Variants in CHIT1 observed in about 807,000 individuals in gnomAD.
CHIT1 encodes chitinase 1, also known as chitotriosidase-1.
CHIT1 carries 47 observed loss-of-function variants against 52.0 expected under a neutral mutation model. That is an observed-to-expected ratio of 0.90 (90% confidence interval 0.71 to 1.15). CHIT1 has a LOEUF of 1.15. Among genes scored for constraint, CHIT1 ranks in the 50% most tolerant of loss-of-function variants. The probability of loss-of-function intolerance (pLI) is 0.00; values close to 1 mark genes in which losing one functional copy is unlikely to be tolerated. For synonymous variants in CHIT1, 242 were observed against 228.2 expected (o/e 1.06, Z -0.54); for missense variants, 569 against 583.0 (o/e 0.98, Z 0.25).
chr1:203,228,422 A>G, intron 2 of CHIT1, 111 bp downstream of exon 2: 14 of 1,154,394 alleles, frequency 1.2e-5, no homozygotes, highest in Non-Finnish European at 1.8e-5. Context: ...TTTGGAAGAG[A>G]GTCCCCACTG....
At chr1:203,225,576 G>A (rs1299028155) in intron 3 of CHIT1, 93 bp downstream of exon 3, 1 of 1,292,622 alleles carries the variant, frequency 7.7e-7, no homozygotes. Context: ...GTCTGTGGCA[G>A]GACCTTAGTG....
chr1:203,230,075 G>GT (rs1298487017), upstream of CHIT1: 1 of 229,036 alleles, frequency 4.4e-6, no homozygotes, highest in African/African-American at 2.3e-5. Flanking sequence ...CTCTCAAACT[G>GT]TTTCTCCATC....
rs888078038 is a variant in CHIT1 at position 203,217,814 on chromosome 1, C to A, written c.1081G>T (p.Asp361Tyr). 1.9e-6 allele frequency: 3 copies of A among 1,613,996 alleles called. No homozygotes were observed. Among genetic ancestry groups the A allele is most frequent in the East Asian group, 2.2e-5 (1 of 44,896 alleles). The change falls in exon 10 of 11, where the codon GAC (aspartate) becomes TAC (tyrosine). Residue 361 changes from aspartate (D) to tyrosine (Y), a missense_variant. By Grantham distance (160) the Asp-to-Tyr change is radical. Transcript: ENST00000367229. ...GLGGAMVWAL[D>Y]LDDFAGFSCN... ...GAGAAGCCGGCAAAGTCATCTAAGT[C>A]CAGTGCCCAGACCATGGCCCCGCCC...
intron 2 of CHIT1, among the ~76,000 whole-genome samples, chr1:203,227,729 A>G (rs986224240): frequency 2.0e-5 from 3 of 152,204 alleles, no homozygotes; most frequent in Non-Finnish European, 2.9e-5. Context: ...TATTATTACT[A>G]TACTGCAGAA....
chr1:203,228,574 C>T lies in CHIT1; in HGVS notation c.26-12G>A. On this transcript the variant is annotated splice_polypyrimidine_tract_variant and intron_variant, in intron 1 of 10. Coordinates refer to ENST00000367229, the MANE Select transcript of CHIT1 (RefSeq NM_003465.3). Reference sequence around the variant, plus strand: ...CAGGACCATGAAACCTGGAGCAACACAAGAGAGAAGGCCAGGGTTATGCTG... The same window carrying T: ...CAGGACCATGAAACCTGGAGCAACATAAGAGAGAAGGCCAGGGTTATGCTG... 6.3e-7 allele frequency: 1 copy of T among 1,581,722 alleles called. No individual in the cohort carries two copies. The highest frequency in any genetic ancestry group is 8.6e-7 in the Non-Finnish European group (1 of 1,161,646).
rs376332725 is a variant in CHIT1 at position 203,222,239 on chromosome 1, C to G, written c.692G>C (p.Arg231Thr). Residue 231 changes from arginine (R) to threonine (T), a missense_variant, in exon 7 of 11, where the codon AGG (arginine) becomes ACG (threonine). Coordinates refer to ENST00000367229, the MANE Select transcript of CHIT1 (RefSeq NM_003465.3). ...GGCTGCTGCACCACTCTCTTCTTGC[C>G]TCTTGTAGAGGGGGCTGTTATGTCC... ...VTGHNSPLYK[R>T]QEESGAAASL... 125 of 1,614,068 alleles carry G rather than the reference C, an allele frequency of 7.7e-5. No homozygotes were observed. The highest frequency in any genetic ancestry group is 1.0e-4 in the Non-Finnish European group (119 of 1,180,058).
At position 203,217,133 on chromosome 1, in the gene CHIT1, C is replaced by G. The variant is rs768558088; in HGVS notation, c.1157G>C (p.Ser386Thr). 3.7e-6 allele frequency: 6 copies of G among 1,603,550 alleles called. No individual in the cohort carries two copies. In the South Asian group the frequency reaches 5.5e-5, roughly 15 times the overall value. ...GGTGCCTGAAGGCAAGTATGGAAGA[C>G]CTGGGAAGACAGTGAAGATTCAACC... ...PLIQTLRQEL[S>T]LPYLPSGTPE... The change falls in exon 11 of 11, where the codon AGT (serine) becomes ACT (threonine). Residue 386 changes from serine to threonine, a missense_variant and splice_region_variant. Ser to Thr is a moderately conservative substitution (Grantham distance 58). Transcript: ENST00000367229.
chr1:203,222,429 C>A, intron 6 of CHIT1, 104 bp from the exon 7 acceptor site: 1 of 1,564,340 alleles, frequency 6.4e-7, no homozygotes. Flanking sequence ...GGAGGAACCA[C>A]TGGGGTCAGA....
chr1:203,219,177 C>A, intron 9 of CHIT1, 39 bp downstream of exon 9: 1 of 1,065,674 alleles, frequency 9.4e-7, no homozygotes, highest in South Asian at 1.2e-5. Flanking sequence ...AGGACTTGTT[C>A]ACTAGGACCA....
At chr1:203,218,214 G>GGTCAAT (rs2102230861) in intron 9 of CHIT1, 1 of 602,438 alleles carries the variant, frequency 1.7e-6, no homozygotes, top group East Asian at 9.4e-5. Context: ...ATTGTATGCT[G>GGTCAAT]GTCAAGGTCA....
rs140129345 is a variant in CHIT1, at chr1:203,226,031, A to G, written c.56-161T>C. Among the ~76,000 whole-genome samples, 136 of 152,208 alleles carry G rather than the reference A, an allele frequency of 8.9e-4. 1 individual carries two copies. The highest frequency in any genetic ancestry group is 3.3e-3 in the African/African-American group (135 of 41,532). ...AGAAATGGCATTTGCTTTTGTGTGG[A>G]TGGAGTCTGGCAGTTGGGAAAGCAT... On this transcript the variant is annotated intron_variant, in intron 2 of 10. Coordinates refer to ENST00000367229, the MANE Select transcript of CHIT1 (RefSeq NM_003465.3).
chr1:203,220,064 G>A (rs1028424824), intron 7 of CHIT1, among the ~76,000 whole-genome samples: 17 of 152,168 alleles, frequency 1.1e-4, no homozygotes, highest in Non-Finnish European at 1.5e-5. Flanking sequence ...TAACCAGAGA[G>A]CGTGGGCTTC....
chr1:203,227,198 G>T (rs1050661383), intron 2 of CHIT1, among the ~76,000 whole-genome samples: 13 of 152,204 alleles, frequency 8.5e-5, no homozygotes, highest in African/African-American at 2.7e-4. Context: ...GGCTGACCTT[G>T]GGCATACACG....
In CHIT1 at chr1:203,225,692, C is replaced by T; in HGVS notation, c.234G>A (p.Gln78=). Residue 78 remains glutamine (Q), a synonymous_variant, in exon 3 of 11, where the codon CAG becomes CAA. Coordinates refer to ENST00000367229, the MANE Select transcript of CHIT1 (RefSeq NM_003465.3). ...ACATCTTCTTCAGGCCATTGAACTC[C>T]TGGTAGAGAGTCTCGTCATTCCACT... is the stretch of plus-strand genomic sequence containing the variant. ...TTEWNDETLY[Q]EFNGLKKMNP... 1 of 1,614,046 alleles carries T rather than the reference C, an allele frequency of 6.2e-7. No individual in the cohort carries two copies. The highest frequency in any genetic ancestry group is 8.5e-7 in the Non-Finnish European group (1 of 1,179,938).
chr1:203,222,782 G>C (rs1475667735), intron 6 of CHIT1, among the ~76,000 whole-genome samples: 1 of 152,146 alleles, frequency 6.6e-6, no homozygotes, highest in Non-Finnish European at 1.5e-5. Flanking sequence ...TCCACATGCT[G>C]TACTTTGAGG....
chr1:203,228,652 G>T, intron 1 of CHIT1, 90 bp from the exon 2 acceptor site: 2 of 1,410,864 alleles, frequency 1.4e-6, no homozygotes, highest in Non-Finnish European at 9.8e-7. Context: ...GAGGTGGTCA[G>T]GGAGGGCTGA....
chr1:203,229,756 G>T (rs777499628), upstream of CHIT1: 18 of 1,192,708 alleles, frequency 1.5e-5, no homozygotes, highest in Non-Finnish European at 2.1e-5. Context: ...GCACTGGGTG[G>T]GGGGGATGGG....
At position 203,216,482 on chromosome 1, in the gene CHIT1, GC is replaced by G; in HGVS notation, c.*406del. The G allele has an allele frequency of 2.2e-6, 1 of 457,866 alleles. No homozygotes were observed. Among genetic ancestry groups the G allele is most frequent in the Non-Finnish European group, 4.4e-6 (1 of 229,528 alleles). The allele number at this position is 457,866 out of a possible 1,614,324, so 28.4% of individuals were successfully genotyped here. On this transcript the variant is annotated 3_prime_UTR_variant, in exon 11 of 11. Transcript: ENST00000367229. ...AACCAAAGAACGTGTTGCACTTGGG[GC>G]CGCGCTCTGGCTGCCATCACCTGTG...
rs1054250617 is a variant in CHIT1 at position 203,222,253 on chromosome 1, GC to G, written c.677del (p.Ser226ThrfsTer35). The stretch of plus-strand genomic sequence containing the variant: ...TCTCTTCTTGCCTCTTGTAGAGGGG[GC>G]TGTTATGTCCCGTGACCTTCTCCCA... ...GSWEKVTGHN[S>X]PLYKRQEESG... On this transcript the variant is annotated frameshift_variant, in exon 7 of 11. Transcript: ENST00000367229. LOFTEE classifies it high-confidence loss of function. 1.9e-6 allele frequency: 3 copies of G among 1,614,094 alleles called. No homozygotes were observed. The African/African-American group carries it at 4.0e-5, about 22-fold the overall frequency.
Sources: allele counts gnomAD v4.1 joint callset (sites outside exome capture counted in the v4.1 genomes callset), GRCh38; gene constraint gnomAD v4.1.1; transcripts MANE v1.5; gene names NCBI Gene and HGNC (gene_info 2026-07-23, HGNC 2026-07-21).